Variants in DPF3 observed in about 807,000 individuals in gnomAD.
The protein encoded by DPF3 is double PHD fingers 3.
DPF3 carries 18 observed loss-of-function variants against 56.8 expected under a neutral mutation model. The observed-to-expected ratio is 0.32, with a 90% CI of 0.22 to 0.47. The LOEUF (loss-of-function observed/expected upper bound fraction) is 0.47. Among genes scored for constraint, DPF3 ranks in the 20% least tolerant of loss-of-function variants. DPF3 has a pLI of 1.00. For missense variants in DPF3, 403 were observed against 488.8 expected (o/e 0.82, Z 1.65); for synonymous variants, 188 against 180.2 (o/e 1.04, Z -0.35).
chr14:72,738,431 G>A (rs550759125), intron 3 of DPF3, among the ~76,000 whole-genome samples: 3 of 152,050 alleles, frequency 2.0e-5, no homozygotes, highest in East Asian at 1.9e-4. Flanking sequence ...AAGTAGACAC[G>A]CCAGGATGGG....
intron 7 of DPF3, 71 bp from the exon 8 acceptor site, chr14:72,674,439 C>T: frequency 6.4e-7 from 1 of 1,551,482 alleles, no homozygotes; most frequent in Non-Finnish European, 8.7e-7. Flanking sequence ...TCTCCTCCTA[C>T]AGTGTGGTAG....
chr14:72,776,904 T>C (rs986801047), intron 1 of DPF3, among the ~76,000 whole-genome samples: 1 of 152,034 alleles, frequency 6.6e-6, no homozygotes. Flanking sequence ...CTGCCCTCCC[T>C]CTCCCTAGCA....
chr14:72,665,417 A>G (rs1886401301), intron 8 of DPF3, among the ~76,000 whole-genome samples: 2 of 152,236 alleles, frequency 1.3e-5, no homozygotes, highest in African/African-American at 4.8e-5. Flanking sequence ...GAATAGCCTG[A>G]AATCTCAGCT....
chr14:72,860,175 C>A (rs1307936681), intron 1 of DPF3, among the ~76,000 whole-genome samples: 3 of 151,588 alleles, frequency 2.0e-5, no homozygotes, highest in African/African-American at 7.3e-5. Flanking sequence ...TTATTAACAT[C>A]TTTTGTTTTG....
chr14:72,668,429 A>G (rs796626654), intron 8 of DPF3, among the ~76,000 whole-genome samples: 15 of 152,374 alleles, frequency 9.8e-5, no homozygotes, highest in African/African-American at 3.6e-4. Flanking sequence ...GGCCATGCTA[A>G]GAAACCTTAC....
At chr14:72,669,914 T>C (rs2153570218) in intron 8 of DPF3, 1 of 985,802 alleles carries the variant, frequency 1.0e-6, no homozygotes, top group Non-Finnish European at 1.2e-6. Context: ...GATATGATGG[T>C]TTTGCCCACA....
intron 2 of DPF3, among the ~76,000 whole-genome samples, chr14:72,759,963 T>C (rs35965466): frequency 0.19 from 29,256 of 152,002 alleles, 3,046 homozygotes; most frequent in East Asian, 0.25. Context: ...TAGTTTCAGA[T>C]ATACAAAAGC....
At chr14:72,730,287 G>T (rs1431481333) in intron 4 of DPF3, among the ~76,000 whole-genome samples, 2 of 151,990 alleles carry the variant, frequency 1.3e-5, no homozygotes, top group African/African-American at 4.8e-5. Context: ...TGAGAGACAA[G>T]CAGGAGTCAA....
intron 2 of DPF3, among the ~76,000 whole-genome samples, chr14:72,761,075 C>G (rs1189999979): frequency 1.3e-5 from 2 of 151,914 alleles, no homozygotes; most frequent in African/African-American, 4.8e-5. Context: ...CTTCAATATA[C>G]ATGAAACAAA....
intron 1 of DPF3, among the ~76,000 whole-genome samples, chr14:72,794,101 G>A (rs551508273): frequency 1.6e-4 from 24 of 152,332 alleles, no homozygotes; most frequent in African/African-American, 5.5e-4. Flanking sequence ...TTGAGTCCCA[G>A]CTCCTTGCTT....
chr14:72,741,162 G>A (rs1228317520), intron 3 of DPF3, among the ~76,000 whole-genome samples: 4 of 152,156 alleles, frequency 2.6e-5, no homozygotes, highest in South Asian at 2.1e-4. Flanking sequence ...ATTCATTTTC[G>A]GTGTTGGGGA....
chr14:72,638,025 A>C (rs1885435160), intron 8 of DPF3, among the ~76,000 whole-genome samples: 1 of 152,204 alleles, frequency 6.6e-6, no homozygotes, highest in Non-Finnish European at 1.5e-5. Flanking sequence ...AGCTGTCATA[A>C]ACTGAAGGTA....
chr14:72,776,794 T>A (rs1002533695), intron 1 of DPF3, among the ~76,000 whole-genome samples: 1 of 150,228 alleles, frequency 6.7e-6, no homozygotes, highest in Non-Finnish European at 1.5e-5. Context: ...GAAATGTGAG[T>A]CCAATAGCAA....
intron 7 of DPF3, among the ~76,000 whole-genome samples, chr14:72,686,668 T>C (rs1887427467): frequency 6.6e-6 from 1 of 152,222 alleles, no homozygotes; most frequent in Non-Finnish European, 1.5e-5. Flanking sequence ...TCTAGTTAAA[T>C]AATAATTTCT....
intron 8 of DPF3, chr14:72,670,948 T>C (rs886766383): frequency 8.8e-5 from 101 of 1,146,400 alleles, no homozygotes; most frequent in Non-Finnish European, 1.0e-4. Flanking sequence ...TGTGCTTCTG[T>C]TGTACATACC....
At chr14:72,780,634 T>C (rs570150148) in intron 1 of DPF3, among the ~76,000 whole-genome samples, 46 of 152,314 alleles carry the variant, frequency 3.0e-4, no homozygotes, top group African/African-American at 1.0e-3. Context: ...TGAAAATAGA[T>C]ATCCTCCAAG....
chr14:72,656,915 G>T (rs1425264101), intron 8 of DPF3, among the ~76,000 whole-genome samples: 1 of 152,158 alleles, frequency 6.6e-6, no homozygotes, highest in Non-Finnish European at 1.5e-5. Flanking sequence ...ATCATGACTA[G>T]CTCATCGACC....
chr14:72,788,647 G>A (rs138586469), intron 1 of DPF3, among the ~76,000 whole-genome samples: 184 of 152,088 alleles, frequency 1.2e-3, no homozygotes, highest in African/African-American at 4.2e-3. Flanking sequence ...CTCCCCCTCT[G>A]CCCTCCTCCC....
At chr14:72,663,583 A>C (rs72728570) in intron 8 of DPF3, among the ~76,000 whole-genome samples, 47 of 152,316 alleles carry the variant, frequency 3.1e-4, no homozygotes, top group Non-Finnish European at 6.2e-4. Context: ...TTCTAGCTGA[A>C]ATGAAATCTG....
Sources: gnomAD v4.1 joint callset for allele counts (sites outside exome capture counted in the v4.1 genomes callset) on GRCh38, gnomAD v4.1.1 for gene constraint, MANE v1.5 for transcripts, NCBI Gene and HGNC (gene_info 2026-07-23, HGNC 2026-07-21) for gene names.